The following STEAP1B variants were observed in gnomAD, a reference collection of about 807,000 sequenced individuals.
STEAP1B encodes the protein STEAP family member 1B, also known as STEAP family protein MGC87042.
Under a neutral mutation model 27.9 loss-of-function variants are expected in STEAP1B, and 13 were observed. The ratio of observed to expected loss-of-function variants is 0.47; its 90% CI spans 0.30 to 0.74. STEAP1B has a LOEUF of 0.74. Among genes scored for constraint, STEAP1B ranks in the 30% least tolerant of loss-of-function variants. STEAP1B has a pLI of 0.06. For synonymous variants in STEAP1B, 86 were observed against 107.1 expected (o/e 0.80, Z 1.22); for missense variants, 250 against 298.7 (o/e 0.84, Z 1.20).
At chr7:22,494,946 G>A (rs1158628084) in intron 1 of STEAP1B, 60 bp from the exon 2 acceptor site, 4 of 874,554 alleles carry the variant, frequency 4.6e-6, no homozygotes, top group African/African-American at 1.7e-5. Flanking sequence ...AATGTCTGAT[G>A]TAACAATATA....
chr7:22,455,047 T>G (rs1785557121), intron 4 of STEAP1B, among the ~76,000 whole-genome samples: 1 of 151,706 alleles, frequency 6.6e-6, no homozygotes, highest in Non-Finnish European at 1.5e-5. Context: ...GTATTTTTAG[T>G]AGAGATGAGG....
At chr7:22,449,702 T>C (rs77336472) in intron 4 of STEAP1B, among the ~76,000 whole-genome samples, 1 of 152,202 alleles carries the variant, frequency 6.6e-6, no homozygotes, top group Non-Finnish European at 1.5e-5. Flanking sequence ...CTGTTTTTAG[T>C]TTTTTGAGGA....
At chr7:22,468,381 A>T (rs1785822435) in intron 4 of STEAP1B, among the ~76,000 whole-genome samples, 1 of 152,260 alleles carries the variant, frequency 6.6e-6, no homozygotes, top group South Asian at 2.1e-4. Context: ...TTTCCCAAAA[A>T]ATCTGTCAGT....
rs375719414 is a variant in STEAP1B at position 22,447,786 on chromosome 7, C to T, written c.763-27950G>A. On this transcript the variant is annotated intron_variant, in intron 4 of 4. Transcript: ENST00000678116. ...TTAGGACAGGAAGAGATGGATATAC[C>T]CAAATTGCATTGCCACCTAGTACTT... Among the ~76,000 whole-genome samples the T allele has an allele frequency of 7.2e-5, 11 of 152,270 alleles. No individual in the cohort carries two copies. The East Asian group carries it at 2.1e-3, about 29-fold the overall frequency.
intron 4 of STEAP1B, among the ~76,000 whole-genome samples, chr7:22,482,527 A>G (rs1786098680): frequency 6.6e-6 from 1 of 152,196 alleles, no homozygotes; most frequent in Non-Finnish European, 1.5e-5. Flanking sequence ...AGAGCCCAGG[A>G]TCCCAGCATT....
chr7:22,481,563 C>A (rs1583652410), intron 4 of STEAP1B, among the ~76,000 whole-genome samples: 1 of 152,300 alleles, frequency 6.6e-6, no homozygotes, highest in South Asian at 2.1e-4. Flanking sequence ...AGAGTCAGAA[C>A]CTGTATTTTA....
At chr7:22,444,804 G>A (rs1224452328) in intron 4 of STEAP1B, among the ~76,000 whole-genome samples, 1 of 152,228 alleles carries the variant, frequency 6.6e-6, no homozygotes, top group Non-Finnish European at 1.5e-5. Flanking sequence ...TTTAGCTGAT[G>A]AGCTGTGCTC....
chr7:22,429,899 T>C (rs917257052), intron 4 of STEAP1B, among the ~76,000 whole-genome samples: 4 of 152,086 alleles, frequency 2.6e-5, no homozygotes, highest in African/African-American at 7.2e-5. Context: ...TCTATATCTG[T>C]AGTAAAACCT....
At chr7:22,453,483 A>T (rs1785523599) in intron 4 of STEAP1B, among the ~76,000 whole-genome samples, 1 of 152,158 alleles carries the variant, frequency 6.6e-6, no homozygotes, top group Non-Finnish European at 1.5e-5. Flanking sequence ...GACCAAGGGA[A>T]TCTGTTAGGG....
intron 4 of STEAP1B, chr7:22,492,291 C>T (rs1326645852): frequency 6.9e-6 from 1 of 145,814 alleles, no homozygotes. Flanking sequence ...CATACTCCAG[C>T]ATGGGCAACA....
chr7:22,473,336 G>A (rs1785917508), intron 4 of STEAP1B, among the ~76,000 whole-genome samples: 1 of 152,152 alleles, frequency 6.6e-6, no homozygotes, highest in Admixed American at 6.5e-5. Flanking sequence ...ATCCCAAATT[G>A]TTACATTTCA....
At chr7:22,493,910 G>T in intron 2 of STEAP1B, 74 bp from the exon 3 acceptor site, 2 of 1,471,144 alleles carry the variant, frequency 1.4e-6, no homozygotes, top group Non-Finnish European at 1.8e-6. Context: ...ATTACTTATT[G>T]CTCAATCATT....
intron 4 of STEAP1B, among the ~76,000 whole-genome samples, chr7:22,454,885 CAG>C (rs1478471145): frequency 7.8e-4 from 47 of 60,172 alleles, no homozygotes; most frequent in African/African-American, 2.6e-3. Context: ...TTTTTTGAGA[CAG>C]AGTCTCGCTG....
At chr7:22,438,985 T>C (rs1327863757) in intron 4 of STEAP1B, among the ~76,000 whole-genome samples, 1 of 152,234 alleles carries the variant, frequency 6.6e-6, no homozygotes, top group Non-Finnish European at 1.5e-5. Context: ...AACTAAGTAC[T>C]GAATTTCCAT....
At chr7:22,437,128 T>C (rs568299131) in intron 4 of STEAP1B, among the ~76,000 whole-genome samples, 1 of 152,362 alleles carries the variant, frequency 6.6e-6, no homozygotes, top group Admixed American at 6.5e-5. Context: ...ACCCAGTATC[T>C]ATAAGGAACT....
intron 4 of STEAP1B, among the ~76,000 whole-genome samples, chr7:22,477,788 G>A (rs1411182930): frequency 6.6e-6 from 1 of 151,958 alleles, no homozygotes; most frequent in Non-Finnish European, 1.5e-5. Flanking sequence ...ATAGGGAAAA[G>A]TTAACTTAAA....
At chr7:22,433,702 T>C (rs1054401215) in intron 4 of STEAP1B, among the ~76,000 whole-genome samples, 2 of 152,194 alleles carry the variant, frequency 1.3e-5, no homozygotes, top group East Asian at 1.9e-4. Flanking sequence ...TGTGAAAGGA[T>C]AGACAGATTT....
chr7:22,462,204 T>C (rs903535096), intron 4 of STEAP1B, among the ~76,000 whole-genome samples: 1 of 152,210 alleles, frequency 6.6e-6, no homozygotes, highest in Non-Finnish European at 1.5e-5. Context: ...GATTTGCCTA[T>C]GATTTTTCTT....
intron 4 of STEAP1B, among the ~76,000 whole-genome samples, chr7:22,428,629 C>T (rs532582853): frequency 6.6e-6 from 1 of 151,940 alleles, no homozygotes; most frequent in Admixed American, 6.6e-5. Context: ...ATTCTAAATA[C>T]AATATTAGCA....
Sources: allele counts gnomAD v4.1 joint callset (sites outside exome capture counted in the v4.1 genomes callset), GRCh38; gene constraint gnomAD v4.1.1; transcripts MANE v1.5; gene names NCBI Gene and HGNC (gene_info 2026-07-23, HGNC 2026-07-21).